The following C1orf105 variants were observed in gnomAD, a reference collection of about 807,000 sequenced individuals.
C1orf105 encodes the protein chromosome 1 open reading frame 105.
Under a neutral mutation model 20.8 loss-of-function variants are expected in C1orf105, and 17 were observed. The ratio of observed to expected loss-of-function variants is 0.82; its 90% CI spans 0.56 to 1.23. The LOEUF (loss-of-function observed/expected upper bound fraction) is 1.23. C1orf105 is among the 50% of genes most tolerant of loss of function. The probability of loss-of-function intolerance (pLI) is 0.00; values close to 1 mark genes in which losing one functional copy is unlikely to be tolerated. For missense variants in C1orf105, 219 were observed against 213.5 expected (o/e 1.03, Z -0.16); for synonymous variants, 72 against 72.1 (o/e 1.00, Z 0.01).
intron 1 of C1orf105, chr1:172,430,940 G>A (rs1443241010): frequency 1.2e-5 from 5 of 426,820 alleles, no homozygotes; most frequent in Non-Finnish European, 2.1e-5. Flanking sequence ...CATTGCAATT[G>A]TTTTGGGGTA....
chr1:172,462,565 T>C (rs1241071159), intron 5 of C1orf105, among the ~76,000 whole-genome samples: 1 of 152,234 alleles, frequency 6.6e-6, no homozygotes, highest in Non-Finnish European at 1.5e-5. Flanking sequence ...GTAGATGACA[T>C]ATCTAATCTG....
intron 1 of C1orf105, chr1:172,442,904 A>G (rs945889734): frequency 3.1e-6 from 1 of 319,958 alleles, no homozygotes; most frequent in African/African-American, 2.1e-5. Context: ...AGTCAAATCA[A>G]CTCAGTTTAC....
At chr1:172,431,456 G>T (rs887327215) in intron 1 of C1orf105, among the ~76,000 whole-genome samples, 2 of 152,208 alleles carry the variant, frequency 1.3e-5, no homozygotes, top group Non-Finnish European at 2.9e-5. Context: ...GAGAGGAGAG[G>T]AAGCTGCAGA....
chr1:172,428,020 C>G (rs776671444), intron 1 of C1orf105, among the ~76,000 whole-genome samples: 2 of 152,104 alleles, frequency 1.3e-5, no homozygotes, highest in Non-Finnish European at 2.9e-5. Flanking sequence ...CCTAATCTTC[C>G]TCCCCAAAAT....
At chr1:172,437,169 C>T (rs943062944) in intron 1 of C1orf105, among the ~76,000 whole-genome samples, 1 of 152,184 alleles carries the variant, frequency 6.6e-6, no homozygotes, top group Non-Finnish European at 1.5e-5. Context: ...TTGTGGAAGA[C>T]AGTGTGGCGA....
intron 1 of C1orf105, among the ~76,000 whole-genome samples, chr1:172,422,760 T>C (rs2071622539): frequency 8.7e-6 from 1 of 114,330 alleles, no homozygotes; most frequent in African/African-American, 2.5e-5. Context: ...CCCACTGCCC[T>C]GAAGGGTAAG....
chr1:172,468,655 T>C lies in C1orf105; in HGVS notation c.*61T>C. On this transcript the variant is annotated 3_prime_UTR_variant, in exon 7 of 7. Transcript: ENST00000367727. ...AGAAAATAACCTCGCCAAGCCAATC[T>C]TTGACACTGGCACCTTCTCCTCACA... 6.6e-7 allele frequency: 1 copy of C among 1,524,888 alleles called. No individual in the cohort carries two copies. The highest frequency in any genetic ancestry group is 8.9e-7 in the Non-Finnish European group (1 of 1,122,150). The allele number at this position is 1,524,888 out of a possible 1,614,324, so 94.5% of individuals were successfully genotyped here.
rs1647660053 is a variant in C1orf105 at position 172,444,009 on chromosome 1, C to T, written c.22-1064C>T. On this transcript the variant is annotated intron_variant, in intron 1 of 6. Coordinates refer to ENST00000367727, the MANE Select transcript of C1orf105 (RefSeq NM_139240.4). ...CTACCCGAGAGTTCCTAGGGTTGCG[C>T]AGCTGGGGGACGGCGGCACCCAGCC... The T allele has an allele frequency of 9.0e-6, 9 of 1,000,312 alleles. No homozygotes were observed. The South Asian group carries it at 3.8e-4, about 42-fold the overall frequency. The allele number at this position is 1,000,312 out of a possible 1,614,324, so 62.0% of individuals were successfully genotyped here. A position where few individuals can be genotyped will look rare whatever the true frequency, so the allele number is the denominator to read the frequency against.
intron 1 of C1orf105, among the ~76,000 whole-genome samples, chr1:172,434,184 A>G (rs542370856): frequency 3.6e-4 from 55 of 152,348 alleles, no homozygotes; most frequent in African/African-American, 1.2e-3. Flanking sequence ...TGTCAATATT[A>G]GACAGATTAA....
In C1orf105 at chr1:172,422,718, C is replaced by T. The variant is rs562629374; in HGVS notation, c.21+1812C>T. On this transcript the variant is annotated intron_variant, in intron 1 of 6. Transcript: ENST00000367727. ...ATTCCAGTCCTTGGCTCTTGGATGG[C>T]ATCTCTGGACCTATTCTAGGCCAGA... 3.3e-5 allele frequency among the ~76,000 whole-genome samples: 5 copies of T among 151,890 alleles called. No homozygotes were observed. The East Asian group carries it at 7.9e-4, about 24-fold the overall frequency.
chr1:172,439,903 C>T lies in C1orf105; in HGVS notation c.22-5170C>T, dbSNP rs532616136. ...GGCACAAGCCCAAACCAGGAGCAGGCAGTGGACAGATGCTTTGGGCTTCAG... is the reference window on the plus strand; with the variant it reads ...GGCACAAGCCCAAACCAGGAGCAGGTAGTGGACAGATGCTTTGGGCTTCAG... On this transcript the variant is annotated intron_variant, in intron 1 of 6. Coordinates refer to ENST00000367727, the MANE Select transcript of C1orf105 (RefSeq NM_139240.4). Among the ~76,000 whole-genome samples, 4 of 152,320 alleles carry T rather than the reference C, an allele frequency of 2.6e-5. No individual in the cohort carries two copies. The South Asian group carries it at 8.3e-4, about 32-fold the overall frequency.
At chr1:172,440,689 G>C (rs1041948080) in intron 1 of C1orf105, among the ~76,000 whole-genome samples, 3 of 152,020 alleles carry the variant, frequency 2.0e-5, no homozygotes, top group Admixed American at 2.0e-4. Flanking sequence ...ATCAAATATT[G>C]TCCCATCATT....
chr1:172,424,185 G>C lies in C1orf105; in HGVS notation c.21+3279G>C, dbSNP rs538722403. On this transcript the variant is annotated intron_variant, in intron 1 of 6. Coordinates refer to ENST00000367727, the MANE Select transcript of C1orf105 (RefSeq NM_139240.4). The stretch of plus-strand genomic sequence containing the variant: ...AGTTCACATCTTCAATGAACCTCAT[G>C]AACATGAGCCATGGGTAGATAATAA... Among the ~76,000 whole-genome samples, 15 of 152,266 alleles carry C rather than the reference G, an allele frequency of 9.9e-5. No individual in the cohort carries two copies. In the East Asian group the frequency reaches 2.9e-3, roughly 29 times the overall value.
chr1:172,430,169 C>T (rs573757548), intron 1 of C1orf105: 1 of 502,806 alleles, frequency 2.0e-6, no homozygotes, highest in Admixed American at 3.2e-5. Flanking sequence ...CTAAATCATT[C>T]ATATTCTACT....
chr1:172,456,320 G>A, intron 3 of C1orf105, 95 bp from the exon 4 acceptor site: 1 of 1,051,164 alleles, frequency 9.5e-7, no homozygotes, highest in Non-Finnish European at 1.4e-6. Context: ...AGGAAAAACT[G>A]TTACCTCTCT....
At chr1:172,441,735 G>T (rs375726386) in intron 1 of C1orf105, 2 of 1,540,954 alleles carry the variant, frequency 1.3e-6, no homozygotes, top group Admixed American at 4.2e-5. Context: ...TAATTTAACT[G>T]AGGAACCTGG....
At chr1:172,465,965 T>G (rs16844502) in intron 6 of C1orf105, among the ~76,000 whole-genome samples, 8,873 of 152,302 alleles carry the variant, frequency 0.058, 288 homozygotes, top group Middle Eastern at 0.13. Flanking sequence ...ATTCAAGGGC[T>G]TACTGCAGCA....
chr1:172,456,549 C>G, intron 4 of C1orf105, 60 bp downstream of exon 4: 1 of 1,508,558 alleles, frequency 6.6e-7, no homozygotes, highest in South Asian at 1.1e-5. Flanking sequence ...ACTGCCCTTC[C>G]CAGCCAAGCC....
At chr1:172,431,126 T>A in intron 1 of C1orf105, 1 of 592,150 alleles carries the variant, frequency 1.7e-6, no homozygotes, top group Non-Finnish European at 3.0e-6. Context: ...TTTTAACTGT[T>A]CAAATGAAGA....
Sources: gnomAD v4.1 joint callset for allele counts (sites outside exome capture counted in the v4.1 genomes callset) on GRCh38, gnomAD v4.1.1 for gene constraint, MANE v1.5 for transcripts, NCBI Gene and HGNC (gene_info 2026-07-23, HGNC 2026-07-21) for gene names.